Variants in HDAC4 observed in about 807,000 individuals in gnomAD.
HDAC4 encodes histone deacetylase A.
HDAC4 carries 16 observed loss-of-function variants against 135.1 expected under a neutral mutation model. The ratio of observed to expected loss-of-function variants is 0.12; its 90% CI spans 0.08 to 0.18. The LOEUF is 0.18. HDAC4 is among the 10% of genes least tolerant of loss of function. HDAC4 has a pLI of 1.00. For missense variants in HDAC4, 1,143 were observed against 1,511.8 expected (o/e 0.76, Z 4.05); for synonymous variants, 685 against 653.4 (o/e 1.05, Z -0.74).
chr2:239,393,714 G>A (rs550654374), intron 1 of HDAC4, among the ~76,000 whole-genome samples: 4 of 148,340 alleles, frequency 2.7e-5, no homozygotes, highest in South Asian at 4.4e-4. Context: ...ATGGTGACCC[G>A]TGTGCACCTG....
At chr2:239,085,610 G>A (rs2035855226) in intron 19 of HDAC4, among the ~76,000 whole-genome samples, 2 of 152,240 alleles carry the variant, frequency 1.3e-5, no homozygotes, top group South Asian at 4.1e-4. Flanking sequence ...GAAGCCTGGT[G>A]CCCAAGTGAC....
At chr2:239,177,848 T>G (rs2043871600) in intron 4 of HDAC4, among the ~76,000 whole-genome samples, 1 of 152,184 alleles carries the variant, frequency 6.6e-6, no homozygotes. Flanking sequence ...AGCTCACTAG[T>G]GAACACTTCC....
At chr2:239,099,835 G>A (rs2037452420) in intron 16 of HDAC4, among the ~76,000 whole-genome samples, 1 of 152,224 alleles carries the variant, frequency 6.6e-6, no homozygotes, top group African/African-American at 2.4e-5. Flanking sequence ...ACCCAGTAGA[G>A]GCCGGCCTCC....
At chr2:239,130,337 G>C (rs1182160208) in intron 11 of HDAC4, among the ~76,000 whole-genome samples, 1 of 152,160 alleles carries the variant, frequency 6.6e-6, no homozygotes, top group African/African-American at 2.4e-5. Context: ...CTGTTTTTTG[G>C]GGAAATGAGG....
rs1032199146 is a variant in HDAC4 at position 239,245,413 on chromosome 2, T to C, written c.23-8749A>G. Among the ~76,000 whole-genome samples, 10 of 152,290 alleles carry C rather than the reference T, an allele frequency of 6.6e-5. No homozygotes were observed. Among genetic ancestry groups the C allele is most frequent in the African/African-American group, 2.4e-4 (10 of 41,566 alleles). ...ATGTTTTGGTCTGGATTTGAACAAC[T>C]GGCTGTAAAAAGACAGTTTTTAAGA... On this transcript the variant is annotated intron_variant, in intron 2 of 26. Transcript: ENST00000543185. The surrounding 1 kb of genome is among the most constrained non-coding windows in gnomAD (Gnocchi z 4.4).
rs191769914 is a variant in HDAC4 at position 239,215,365 on chromosome 2, G to A, written c.94+21228C>T. Among the ~76,000 whole-genome samples, 17 of 152,302 alleles carry A rather than the reference G, an allele frequency of 1.1e-4. No homozygotes were observed. The East Asian group carries it at 1.7e-3, about 16-fold the overall frequency. On this transcript the variant is annotated intron_variant, in intron 3 of 26. Transcript: ENST00000543185. ...GGCAACAGGGAGTCACTGGTGACAC[G>A]AAACCAGGGGCTGGCTGCTGGGAGC...
chr2:239,138,204 C>T (rs1166007264), intron 9 of HDAC4, among the ~76,000 whole-genome samples: 1 of 152,110 alleles, frequency 6.6e-6, no homozygotes, highest in Non-Finnish European at 1.5e-5. Context: ...CTGAAGTTGG[C>T]AGGCTGAAGA....
At position 239,104,164 on chromosome 2, in the gene HDAC4, C is replaced by T. The variant is rs886625967; in HGVS notation, c.2113-1268G>A. Among the ~76,000 whole-genome samples the T allele has an allele frequency of 7.2e-5, 11 of 152,300 alleles. No individual in the cohort carries two copies. The South Asian group carries it at 1.0e-3, about 14-fold the overall frequency. ...TCCCTGGAAAGCCAGGCAGGAGGGACGTACTCTCTGGGTAGGGGTCAGGGT... is the reference window on the plus strand; with the variant it reads ...TCCCTGGAAAGCCAGGCAGGAGGGATGTACTCTCTGGGTAGGGGTCAGGGT... On this transcript the variant is annotated intron_variant, in intron 15 of 26. Transcript: ENST00000543185.
chr2:239,115,274 C>T lies in HDAC4; in HGVS notation c.1570G>A (p.Glu524Lys). The change falls in exon 13 of 27, where the codon GAG becomes AAG. Residue 524 changes from glutamate (E) to lysine (K), a missense_variant. Around this residue, in one of 9 missense-constraint regions of HDAC4, gnomAD observed 196 missense variants for 210.7 expected, o/e 0.93. Coordinates refer to ENST00000543185, the MANE Select transcript of HDAC4 (RefSeq NM_001378414.1). The surrounding 1 kb of genome is among the most constrained non-coding windows in gnomAD (Gnocchi z 6.3). Reference protein sequence around the residue: ...PKPSEPARQPESHPEETEEEL... With the variant: ...PKPSEPARQPKSHPEETEEEL... ...TCCTCCGTCTCCTCCGGGTGGCTCT[C>T]CGGCTGCCGGGCTGGCTCGCTTGGC... 6.2e-7 allele frequency: 1 copy of T among 1,613,418 alleles called. No homozygotes were observed. The highest frequency in any genetic ancestry group is 8.5e-7 in the Non-Finnish European group (1 of 1,179,960).
At chr2:239,187,368 A>T (rs2044625640) in intron 4 of HDAC4, among the ~76,000 whole-genome samples, 1 of 152,220 alleles carries the variant, frequency 6.6e-6, no homozygotes, top group South Asian at 2.1e-4. Context: ...TACTTCTAGG[A>T]GTCATAGAAT....
intron 2 of HDAC4, among the ~76,000 whole-genome samples, chr2:239,350,944 C>T (rs184622536): frequency 1.2e-4 from 18 of 152,336 alleles, no homozygotes; most frequent in Admixed American, 1.1e-3. Flanking sequence ...CAAAAATATG[C>T]ACCCCCATTA....
At chr2:239,166,886 G>T (rs1373933265) in intron 5 of HDAC4, among the ~76,000 whole-genome samples, 1 of 152,214 alleles carries the variant, frequency 6.6e-6, no homozygotes, top group Non-Finnish European at 1.5e-5. Context: ...ACTGATAAAA[G>T]AAATAAGAAG....
chr2:239,165,663 G>A (rs115088529), intron 5 of HDAC4, among the ~76,000 whole-genome samples: 5 of 152,322 alleles, frequency 3.3e-5, no homozygotes, highest in South Asian at 2.1e-4. Flanking sequence ...GGCCAGGTGC[G>A]CCTCAGGTGA....
At chr2:239,073,079 C>T (rs2034362323) in intron 22 of HDAC4, among the ~76,000 whole-genome samples, 1 of 152,206 alleles carries the variant, frequency 6.6e-6, no homozygotes, top group Non-Finnish European at 1.5e-5. Context: ...TCAGCCTGTT[C>T]AAGTCAGTGC....
chr2:239,159,428 T>C (rs2042643506), intron 6 of HDAC4, among the ~76,000 whole-genome samples: 1 of 107,558 alleles, frequency 9.3e-6, no homozygotes, highest in Non-Finnish European at 1.8e-5. Flanking sequence ...CACAAACTCA[T>C]GCCTACCTCC....
At chr2:239,203,190 GC>G (rs2045862868) in intron 3 of HDAC4, among the ~76,000 whole-genome samples, 1 of 152,184 alleles carries the variant, frequency 6.6e-6, no homozygotes, top group South Asian at 2.1e-4. Flanking sequence ...AGCTCAGTAA[GC>G]CCAGTGTGGA....
intron 24 of HDAC4, among the ~76,000 whole-genome samples, chr2:239,059,435 G>A (rs534221883): frequency 1.3e-5 from 2 of 152,160 alleles, no homozygotes; most frequent in African/African-American, 2.4e-5. Context: ...CCAAGTTCGG[G>A]GGGGTACACA....
intron 11 of HDAC4, among the ~76,000 whole-genome samples, chr2:239,127,548 A>T (rs1346446879): frequency 6.6e-6 from 1 of 152,240 alleles, no homozygotes; most frequent in East Asian, 1.9e-4. Context: ...CTCTGTGAAT[A>T]TCTGTTCCTC....
At chr2:239,152,565 C>A (rs1462041112) in intron 7 of HDAC4, among the ~76,000 whole-genome samples, 1 of 152,240 alleles carries the variant, frequency 6.6e-6, no homozygotes, top group Non-Finnish European at 1.5e-5. Context: ...ACTCTCAAGC[C>A]CAGCGGTGGA....
Sources: allele counts gnomAD v4.1 joint callset (sites outside exome capture counted in the v4.1 genomes callset), GRCh38; gene constraint gnomAD v4.1.1; regional missense constraint gnomAD v4.1.1; non-coding constraint Gnocchi (gnomAD v3.1); transcripts MANE v1.5; gene names NCBI Gene and HGNC (gene_info 2026-07-23, HGNC 2026-07-21).